Variants in POU2F1 observed in about 807,000 individuals in gnomAD.
The protein encoded by POU2F1 is POU class 2 homeobox 1, also known as POU domain, class 2, transcription factor 1.
Under a neutral mutation model 84.9 loss-of-function variants are expected in POU2F1, and 16 were observed. That is an observed-to-expected ratio of 0.19 (90% CI 0.13 to 0.29). POU2F1 has a LOEUF of 0.29. Among genes scored for constraint, POU2F1 ranks in the 10% least tolerant of loss-of-function variants. The pLI is 1.00. For missense variants in POU2F1, 738 were observed against 942.6 expected, an observed-to-expected ratio of 0.78 and a Z score of 2.84; for synonymous variants, 368 against 368.3, an observed-to-expected ratio of 1.00 and a Z score of 0.01.
At chr1:167,295,823 G>A (rs1463850299) in intron 1 of POU2F1, among the ~76,000 whole-genome samples, 1 of 152,098 alleles carries the variant, frequency 6.6e-6, no homozygotes, top group Non-Finnish European at 1.5e-5. Flanking sequence ...GGGAGAATAG[G>A]GAACCTCTTA....
intron 3 of POU2F1, among the ~76,000 whole-genome samples, chr1:167,366,160 T>A (rs953427944): frequency 6.6e-6 from 1 of 152,092 alleles, no homozygotes; most frequent in African/African-American, 2.4e-5. Flanking sequence ...GGAATGGGAA[T>A]AAAAAAACAA....
chr1:167,259,053 G>T (rs1391136186), intron 1 of POU2F1, among the ~76,000 whole-genome samples: 1 of 152,160 alleles, frequency 6.6e-6, no homozygotes, highest in Non-Finnish European at 1.5e-5. Context: ...TCTTAACCAG[G>T]CTTACTCGTG....
intron 9 of POU2F1, among the ~76,000 whole-genome samples, chr1:167,394,171 C>A (rs1241115252): frequency 6.6e-6 from 1 of 151,806 alleles, no homozygotes; most frequent in African/African-American, 2.4e-5. Flanking sequence ...AGGGGTGTGC[C>A]ACCACACCCA....
At chr1:167,265,734 G>T (rs1187504893) in intron 1 of POU2F1, among the ~76,000 whole-genome samples, 1 of 148,098 alleles carries the variant, frequency 6.8e-6, no homozygotes, top group Admixed American at 6.8e-5. Context: ...AGACATTTTT[G>T]ATTGTCACAA....
In POU2F1 at chr1:167,351,528, AAAAAAAAAAAAAAAAG is replaced by A. The variant is rs1481277597; in HGVS notation, c.128-13935_128-13920del. ...GAATGAAGCACCATCTCAAAAAAAA[AAAAAAAAAAAAAAAAG>A]AAAGAAAGAAAAAAAAGAAAAGAAA... On this transcript the variant is annotated intron_variant, in intron 2 of 15. Coordinates refer to ENST00000367866, the MANE Select transcript of POU2F1 (RefSeq NM_002697.4). Among the ~76,000 whole-genome samples the A allele has an allele frequency of 5.0e-3, 746 of 149,038 alleles. 11 individuals carry two copies. Among genetic ancestry groups the A allele is most frequent in the African/African-American group, 0.017 (685 of 40,148 alleles).
intron 2 of POU2F1, among the ~76,000 whole-genome samples, chr1:167,335,160 C>T (rs994118398): frequency 3.9e-5 from 6 of 152,044 alleles, no homozygotes; most frequent in African/African-American, 1.2e-4. Flanking sequence ...AGTAAGTGCC[C>T]GTTCTATGTG....
intron 2 of POU2F1, among the ~76,000 whole-genome samples, chr1:167,359,993 C>T (rs965991630): frequency 2.0e-5 from 3 of 151,630 alleles, no homozygotes; most frequent in East Asian, 1.9e-4. Flanking sequence ...TCTTTTGAGA[C>T]GTGTCTGTCT....
intron 2 of POU2F1, among the ~76,000 whole-genome samples, chr1:167,351,356 AAAAC>A (rs1571348604): frequency 6.6e-6 from 1 of 151,990 alleles, no homozygotes; most frequent in East Asian, 1.9e-4. Context: ...ACTCTGTCTC[AAAAC>A]AAACAAAATT....
chr1:167,366,485 C>T (rs1324623284), intron 3 of POU2F1, among the ~76,000 whole-genome samples: 1 of 152,122 alleles, frequency 6.6e-6, no homozygotes, highest in African/African-American at 2.4e-5. Context: ...TGTCATCAGA[C>T]CACCTAAACT....
rs576899645 is a variant in POU2F1 at position 167,406,509 on chromosome 1, G to A, written c.1555+4953G>A. Among the ~76,000 whole-genome samples, 5 of 152,164 alleles carry A rather than the reference G, an allele frequency of 3.3e-5. No individual in the cohort carries two copies. The South Asian group carries it at 1.0e-3, about 32-fold the overall frequency. On this transcript the variant is annotated intron_variant, in intron 13 of 15. Coordinates refer to ENST00000367866, the MANE Select transcript of POU2F1 (RefSeq NM_002697.4). The stretch of plus-strand genomic sequence containing the variant: ...GTGGACTTCTGATTAACATCGTCCT[G>A]GAGGTTATAGCCTCCAGTAAGGGGG...
intron 13 of POU2F1, among the ~76,000 whole-genome samples, chr1:167,406,821 A>G (rs1460682698): frequency 2.0e-5 from 3 of 152,108 alleles, no homozygotes; most frequent in Non-Finnish European, 4.4e-5. Flanking sequence ...GTAAGACTTG[A>G]ACAATGAAAA....
At position 167,422,866 on chromosome 1, in the gene POU2F1, C is replaced by T. The variant is rs1557981493; in HGVS notation, c.*7056C>T. 6.6e-6 allele frequency: 1 copy of T among 152,184 alleles called. No individual in the cohort carries two copies. The highest frequency in any genetic ancestry group is 1.9e-4 in the East Asian group (1 of 5,198). 9.4% of individuals were successfully genotyped at this position (152,184 alleles called of 1,614,324 possible). On this transcript the variant is annotated 3_prime_UTR_variant, in exon 16 of 16. Coordinates refer to ENST00000367866, the MANE Select transcript of POU2F1 (RefSeq NM_002697.4). ...TTTATCTCTTTCCTTCCCTTTTCCC[C>T]TTTTCCCAGTCCCCTGCTTTTTGAA...
At chr1:167,234,052 T>C (rs773133514) in intron 1 of POU2F1, among the ~76,000 whole-genome samples, 4 of 152,208 alleles carry the variant, frequency 2.6e-5, no homozygotes, top group Admixed American at 2.6e-4. Flanking sequence ...CTGTTTTGAT[T>C]ATAGCAGTAA....
chr1:167,287,857 A>C (rs1376538267), intron 1 of POU2F1, among the ~76,000 whole-genome samples: 1 of 152,230 alleles, frequency 6.6e-6, no homozygotes, highest in African/African-American at 2.4e-5. Context: ...GTGAAAATGC[A>C]GAAAATCAAA....
rs1650687363 is a variant in POU2F1 at position 167,422,142 on chromosome 1, C to T, written c.*6332C>T. On this transcript the variant is annotated 3_prime_UTR_variant, in exon 16 of 16. Coordinates refer to ENST00000367866, the MANE Select transcript of POU2F1 (RefSeq NM_002697.4). Reference sequence around the variant, plus strand: ...GCATTTACATCCCTTCCTATGGTTGCCCATGCCCCCCAGACCCTGCCAACC... The same window carrying T: ...GCATTTACATCCCTTCCTATGGTTGTCCATGCCCCCCAGACCCTGCCAACC... 1 of 152,218 alleles carries T rather than the reference C, an allele frequency of 6.6e-6. No homozygotes were observed. The highest frequency in any genetic ancestry group is 1.5e-5 in the Non-Finnish European group (1 of 68,094). The allele number at this position is 152,218 out of a possible 1,614,324, so 9.4% of individuals were successfully genotyped here. A position where few individuals can be genotyped will look rare whatever the true frequency, so the allele number is the denominator to read the frequency against.
chr1:167,244,016 T>C (rs577901018), intron 1 of POU2F1, among the ~76,000 whole-genome samples: 1 of 152,282 alleles, frequency 6.6e-6, no homozygotes, highest in East Asian at 1.9e-4. Context: ...CTGAATCATA[T>C]TGCCAATCTC....
intron 2 of POU2F1, among the ~76,000 whole-genome samples, chr1:167,345,087 G>T (rs1045200451): frequency 6.6e-6 from 1 of 152,142 alleles, no homozygotes; most frequent in Admixed American, 6.6e-5. Flanking sequence ...TAGAGGACGG[G>T]TCAATAGGTG....
At chr1:167,393,531 T>A (rs940362938) in intron 9 of POU2F1, among the ~76,000 whole-genome samples, 5 of 152,144 alleles carry the variant, frequency 3.3e-5, no homozygotes, top group Admixed American at 3.3e-4. Context: ...AGGGTCTCAC[T>A]CTCTTGGCTC....
rs891376813 is a variant in POU2F1, at chr1:167,426,043, C to A, written c.*10233C>A. 3.3e-5 allele frequency: 5 copies of A among 151,828 alleles called. No homozygotes were observed. The highest frequency in any genetic ancestry group is 1.2e-4 in the African/African-American group (5 of 41,326). 9.4% of individuals were successfully genotyped at this position (151,828 alleles called of 1,614,324 possible). On this transcript the variant is annotated 3_prime_UTR_variant, in exon 16 of 16. Coordinates refer to ENST00000367866, the MANE Select transcript of POU2F1 (RefSeq NM_002697.4). The stretch of plus-strand genomic sequence containing the variant: ...GGTTGGGGGAGGGGGGTACTTGGTT[C>A]TTGGGTCACACAAGCTCTATCCCAA...
Sources: gnomAD v4.1 joint callset for allele counts (sites outside exome capture counted in the v4.1 genomes callset) on GRCh38, gnomAD v4.1.1 for gene constraint, MANE v1.5 for transcripts, NCBI Gene and HGNC (gene_info 2026-07-23, HGNC 2026-07-21) for gene names.